The following MTMR10 variants were observed in gnomAD, a reference collection of about 807,000 sequenced individuals.
The protein encoded by MTMR10 is myotubularin related protein 10.
In MTMR10, 56 loss-of-function variants were observed where a neutral mutation model predicts 88.1. The ratio of observed to expected loss-of-function variants is 0.64; its 90% confidence interval spans 0.51 to 0.79. The LOEUF (loss-of-function observed/expected upper bound fraction) is 0.79. Among genes scored for constraint, MTMR10 ranks in the 30% least tolerant of loss-of-function variants. The pLI is 0.00. For missense variants in MTMR10, 883 were observed against 924.7 expected (o/e 0.95, Z 0.58); for synonymous variants, 380 against 340.9 (o/e 1.11, Z -1.26).
chr15:30,988,204 A>G (rs1258752348), intron 2 of MTMR10, among the ~76,000 whole-genome samples: 2 of 152,154 alleles, frequency 1.3e-5, no homozygotes, highest in East Asian at 3.9e-4. Flanking sequence ...AGACCACAAC[A>G]GGGCAGCCAG....
At chr15:30,960,254 C>T (rs945999818) in intron 7 of MTMR10, among the ~76,000 whole-genome samples, 3 of 129,272 alleles carry the variant, frequency 2.3e-5, no homozygotes, top group Non-Finnish European at 3.2e-5. Context: ...GCCCACTGGT[C>T]GTCAGGATTA....
intron 13 of MTMR10, 36 bp from the exon 14 acceptor site, chr15:30,947,336 G>A: frequency 6.3e-7 from 1 of 1,594,400 alleles, no homozygotes; most frequent in Non-Finnish European, 8.5e-7. Context: ...ATCATTTAAT[G>A]TTATCCTTCA....
chr15:30,927,855 C>G, the MTMR10 span: 1 of 985,652 alleles, frequency 1.0e-6, no homozygotes, highest in Non-Finnish European at 1.2e-6. Context: ...TCATCCCACA[C>G]CAGACCCTGC....
Position 30,939,607 on chromosome 15 carries a change from C to T in MTMR10, c.*1863G>A. 1 of 928,082 alleles carries T rather than the reference C, an allele frequency of 1.1e-6. No homozygotes were observed. Among genetic ancestry groups the T allele is most frequent in the South Asian group, 5.0e-5 (1 of 20,076 alleles). 57.5% of individuals were successfully genotyped at this position (928,082 alleles called of 1,614,324 possible). On this transcript the variant is annotated 3_prime_UTR_variant, in exon 16 of 16. Transcript: ENST00000435680. ...TATTTTTAACCATTATTAATAGTAC[C>T]TAATATTTTTAAACTTGTAAATTAA...
Position 30,941,053 on chromosome 15 carries a change from C to A in MTMR10, c.*417G>T. ...AACCAGAAAAATACATGAATACTTC[C>A]TAAAACCTGCTGGAGGTTTTATCAG... On this transcript the variant is annotated 3_prime_UTR_variant, in exon 16 of 16. Coordinates refer to ENST00000435680, the MANE Select transcript of MTMR10 (RefSeq NM_017762.3). 3 of 1,189,632 alleles carry A rather than the reference C, an allele frequency of 2.5e-6. No homozygotes were observed. Among genetic ancestry groups the A allele is most frequent in the Non-Finnish European group, 2.1e-6 (2 of 944,456 alleles). The allele number at this position is 1,189,632 out of a possible 1,614,324, so 73.7% of individuals were successfully genotyped here.
chr15:30,930,497 C>T, the MTMR10 span: 5 of 1,553,664 alleles, frequency 3.2e-6, 1 homozygote, highest in South Asian at 6.2e-5. Flanking sequence ...TATTTCCATT[C>T]TCTGTCACGA....
chr15:30,990,262 A>G (rs961063602), intron 2 of MTMR10, among the ~76,000 whole-genome samples: 12 of 152,212 alleles, frequency 7.9e-5, no homozygotes, highest in African/African-American at 2.9e-4. Flanking sequence ...TGCTATACAC[A>G]GGACAGCCTG....
downstream of MTMR10, chr15:30,937,033 T>C: frequency 9.5e-7 from 1 of 1,050,518 alleles, no homozygotes; most frequent in East Asian, 2.4e-5. Flanking sequence ...GCCATTTAAA[T>C]AGTTGTCAGT....
chr15:30,954,929 T>C, intron 9 of MTMR10, 36 bp from the exon 10 acceptor site: 1 of 1,498,208 alleles, frequency 6.7e-7, no homozygotes, highest in Non-Finnish European at 9.0e-7. Context: ...CATTACTCAT[T>C]CATTTCAGCA....
the MTMR10 span, among the ~76,000 whole-genome samples, chr15:30,921,021 T>C: frequency 2.6e-5 from 4 of 152,172 alleles, 1 homozygote; most frequent in African/African-American, 9.7e-5. Context: ...TGGGCTCAAG[T>C]GATTTGCCCA....
At chr15:30,924,307 CCT>C in the MTMR10 span, among the ~76,000 whole-genome samples, 5 of 152,168 alleles carry the variant, frequency 3.3e-5, no homozygotes, top group African/African-American at 1.2e-4. Context: ...GCTGCATGAA[CCT>C]CTGTTTCAGT....
At chr15:30,983,052 G>T in intron 2 of MTMR10, among the ~76,000 whole-genome samples, 1 of 152,246 alleles carries the variant, frequency 6.6e-6, no homozygotes, top group Non-Finnish European at 1.5e-5. Flanking sequence ...TAGAGGTTCT[G>T]AAGTTTTCAG....
intron 6 of MTMR10, among the ~76,000 whole-genome samples, chr15:30,961,326 C>A (rs1040563900): frequency 3.3e-5 from 5 of 152,058 alleles, no homozygotes; most frequent in Non-Finnish European, 5.9e-5. Context: ...CTCCGCCCCC[C>A]GGGTTCAAGC....
chr15:30,965,294 TA>T (rs1461222272), intron 6 of MTMR10, among the ~76,000 whole-genome samples: 2 of 152,214 alleles, frequency 1.3e-5, no homozygotes, highest in African/African-American at 4.8e-5. Flanking sequence ...TCTATGTTAA[TA>T]AAAAGGATAA....
At chr15:30,951,437 A>AT (rs1387965767) in intron 12 of MTMR10, among the ~76,000 whole-genome samples, 2 of 152,198 alleles carry the variant, frequency 1.3e-5, no homozygotes, top group East Asian at 3.8e-4. Context: ...AATAGGAAGG[A>AT]TAATTTAATA....
rs564891608 is a variant in MTMR10, at chr15:30,982,028, G to A, written c.122-5073C>T. ...GGAGGTTGCGGTGAGCGGAGATCAC[G>A]CCACTGCACTCCAGCCTGGGTGACA... On this transcript the variant is annotated intron_variant, in intron 2 of 15. Transcript: ENST00000435680. Among the ~76,000 whole-genome samples the A allele has an allele frequency of 3.8e-3, 569 of 150,664 alleles. 3 individuals are homozygous for A. Among genetic ancestry groups the A allele is most frequent in the Middle Eastern group, 0.017 (5 of 288 alleles).
rs771483420 is a variant in MTMR10, at chr15:30,941,676, C to T, written c.2128G>A (p.Glu710Lys). The stretch of plus-strand genomic sequence containing the variant: ...AAGTACATCCTGCTCTGGCCCAGCT[C>T]CCCATAGCAGGCCTCCAGGGGGCCA... Reference protein sequence around the residue: ...RSGPLEACYGELGQSRMYFNA... With the variant: ...RSGPLEACYGKLGQSRMYFNA... Residue 710 changes from glutamate to lysine, a missense_variant, in exon 16 of 16, where the codon GAG (glutamate) becomes AAG (lysine). Coordinates refer to ENST00000435680, the MANE Select transcript of MTMR10 (RefSeq NM_017762.3). 2 of 1,613,550 alleles carry T rather than the reference C, an allele frequency of 1.2e-6. No homozygotes were observed. Among genetic ancestry groups the T allele is most frequent in the Admixed American group, 3.3e-5 (2 of 59,940 alleles).
chr15:30,944,063 G>C, intron 14 of MTMR10: 1 of 952,652 alleles, frequency 1.0e-6, no homozygotes. Context: ...TTATTAAAAA[G>C]GCAAACAATG....
chr15:30,948,532 A>G, intron 12 of MTMR10, 61 bp from the exon 13 acceptor site: 1 of 1,502,120 alleles, frequency 6.7e-7, no homozygotes, highest in Non-Finnish European at 9.0e-7. Flanking sequence ...GAGAAAGGGA[A>G]GGAAAGGTAA....
Sources: allele counts gnomAD v4.1 joint callset (sites outside exome capture counted in the v4.1 genomes callset), GRCh38; gene constraint gnomAD v4.1.1; transcripts MANE v1.5; gene names NCBI Gene and HGNC (gene_info 2026-07-23, HGNC 2026-07-21).